The following IL1RAPL1 variants were observed in gnomAD, a reference collection of about 807,000 sequenced individuals.
IL1RAPL1 encodes interleukin 1 receptor accessory protein like 1.
In IL1RAPL1, 3 loss-of-function variants were observed where a neutral mutation model predicts 48.4. The observed-to-expected ratio is 0.06, with a 90% CI of 0.03 to 0.16. The LOEUF is 0.16. Ranked by LOEUF, IL1RAPL1 falls within the 10% of genes least tolerant of loss-of-function variation. The probability of loss-of-function intolerance (pLI) is 1.00; values close to 1 mark genes in which losing one functional copy is unlikely to be tolerated. For missense variants in IL1RAPL1, 349 were observed against 530.6 expected (o/e 0.66, Z 3.36); for synonymous variants, 185 against 187.7 (o/e 0.99, Z 0.12).
At chrX:28,886,648 A>T (rs756223046) in intron 2 of IL1RAPL1, among the ~76,000 whole-genome samples, 9 of 111,314 alleles carry the variant, frequency 8.1e-5, no homozygotes, top group East Asian at 2.8e-4. Flanking sequence ...TAATGGAAAA[A>T]CGTTTACCAA....
At chrX:29,903,479 CTG>C (rs1256200317) in intron 6 of IL1RAPL1, among the ~76,000 whole-genome samples, 1 of 110,822 alleles carries the variant, frequency 9.0e-6, no homozygotes, top group Non-Finnish European at 1.9e-5. Flanking sequence ...AGTAAAATGT[CTG>C]GATGTTGATG....
intron 5 of IL1RAPL1, among the ~76,000 whole-genome samples, chrX:29,458,000 G>A (rs1052063289): frequency 6.3e-5 from 7 of 111,457 alleles, no homozygotes; most frequent in Admixed American, 1.9e-4. Flanking sequence ...CTTTGATCTC[G>A]AACTCCTAAC....
chrX:29,342,919 G>A (rs2147647045), intron 3 of IL1RAPL1, among the ~76,000 whole-genome samples: 1 of 112,114 alleles, frequency 8.9e-6, no homozygotes, highest in Admixed American at 9.5e-5. Context: ...AGGTTCCAAT[G>A]TTAACAGCGA....
chrX:29,936,876 A>C (rs150480250), intron 8 of IL1RAPL1, among the ~76,000 whole-genome samples: 61 of 111,707 alleles, frequency 5.5e-4, no homozygotes, highest in Non-Finnish European at 9.8e-4. Flanking sequence ...GATAAGAAAA[A>C]ATTGTAGTCA....
intron 6 of IL1RAPL1, among the ~76,000 whole-genome samples, chrX:29,704,692 T>C (rs998273031): frequency 3.6e-5 from 4 of 110,898 alleles, no homozygotes; most frequent in Non-Finnish European, 3.8e-5. Context: ...AAAAAAGAAA[T>C]AGAAAACCTA....
intron 1 of IL1RAPL1, among the ~76,000 whole-genome samples, chrX:28,687,517 T>A (rs1306229091): frequency 8.9e-6 from 1 of 112,217 alleles, no homozygotes; most frequent in Non-Finnish European, 1.9e-5. Context: ...GCGCGGTGGC[T>A]CAAGCCTGTG....
chrX:28,902,846 T>C (rs952007289), intron 2 of IL1RAPL1, among the ~76,000 whole-genome samples: 1 of 111,119 alleles, frequency 9.0e-6, no homozygotes, highest in Admixed American at 9.6e-5. Context: ...TAGATTCTCA[T>C]AGGAGCAGGA....
intron 2 of IL1RAPL1, among the ~76,000 whole-genome samples, chrX:28,882,192 A>C (rs1033357690): frequency 9.0e-6 from 1 of 111,174 alleles, no homozygotes; most frequent in Non-Finnish European, 1.9e-5. Flanking sequence ...AATCAAGAGA[A>C]AAATGACTTA....
chrX:29,002,003 C>A (rs1470435561), intron 2 of IL1RAPL1, among the ~76,000 whole-genome samples: 2 of 107,820 alleles, frequency 1.9e-5, no homozygotes, highest in Non-Finnish European at 3.8e-5. Flanking sequence ...TCAAGCAATT[C>A]TCCTGCCTCA....
chrX:29,804,718 G>T (rs1930210901), intron 6 of IL1RAPL1, among the ~76,000 whole-genome samples: 2 of 111,704 alleles, frequency 1.8e-5, no homozygotes, highest in Non-Finnish European at 3.8e-5. Flanking sequence ...AGCAGCATGA[G>T]AACAGACTAA....
At chrX:29,792,379 T>G (rs1235090360) in intron 6 of IL1RAPL1, among the ~76,000 whole-genome samples, 3 of 111,661 alleles carry the variant, frequency 2.7e-5, no homozygotes, top group Non-Finnish European at 3.8e-5. Flanking sequence ...CAACAGAAAT[T>G]TATTTTCTCA....
chrX:29,421,086 G>T (rs999655484), intron 5 of IL1RAPL1, among the ~76,000 whole-genome samples: 1 of 111,869 alleles, frequency 8.9e-6, no homozygotes, highest in Non-Finnish European at 1.9e-5. Context: ...GCTTCAAAAA[G>T]ATTCACAATG....
chrX:29,532,470 T>G (rs918882785), intron 5 of IL1RAPL1, among the ~76,000 whole-genome samples: 2 of 111,806 alleles, frequency 1.8e-5, no homozygotes, highest in African/African-American at 6.5e-5. Context: ...ATCTCTCACT[T>G]GTAGCTAAAT....
At chrX:29,623,973 G>C (rs1286591139) in intron 5 of IL1RAPL1, among the ~76,000 whole-genome samples, 1 of 111,810 alleles carries the variant, frequency 8.9e-6, no homozygotes, top group African/African-American at 3.2e-5. Context: ...AAGTCAATAA[G>C]AATACTGACA....
At chrX:29,654,868 G>A (rs931900871) in intron 5 of IL1RAPL1, among the ~76,000 whole-genome samples, 10 of 112,151 alleles carry the variant, frequency 8.9e-5, no homozygotes, top group African/African-American at 3.2e-4. Flanking sequence ...GTTATAAAAT[G>A]TCATTCTAAA....
At chrX:28,694,826 C>A (rs2146927000) in intron 1 of IL1RAPL1, among the ~76,000 whole-genome samples, 1 of 111,491 alleles carries the variant, frequency 9.0e-6, no homozygotes, top group African/African-American at 3.3e-5. Context: ...CTGACTGATC[C>A]TGGATTTTCC....
intron 5 of IL1RAPL1, among the ~76,000 whole-genome samples, chrX:29,411,810 G>T (rs1283153441): frequency 9.2e-6 from 1 of 108,659 alleles, no homozygotes; most frequent in East Asian, 2.8e-4. Context: ...AGTACATTTT[G>T]GACACATATT....
At chrX:28,834,286 A>C (rs1921148170) in intron 2 of IL1RAPL1, among the ~76,000 whole-genome samples, 1 of 111,946 alleles carries the variant, frequency 8.9e-6, no homozygotes, top group Admixed American at 9.5e-5. Context: ...TTCATTTATT[A>C]AATTTAATGT....
intron 5 of IL1RAPL1, among the ~76,000 whole-genome samples, chrX:29,410,982 A>G (rs1255693307): frequency 9.0e-6 from 1 of 111,429 alleles, no homozygotes; most frequent in East Asian, 2.8e-4. Context: ...GGTCAAAAAA[A>G]TCTCCAATTT....
Sources: allele counts gnomAD v4.1 joint callset (sites outside exome capture counted in the v4.1 genomes callset), GRCh38; gene constraint gnomAD v4.1.1; transcripts MANE v1.5; gene names NCBI Gene and HGNC (gene_info 2026-07-23, HGNC 2026-07-21).